CNKSR3: variants seen among roughly 807,000 people sequenced by gnomAD.
CNKSR3 encodes the protein CNKSR family member 3.
CNKSR3 carries 36 observed loss-of-function variants against 67.7 expected under a neutral mutation model. That is an observed-to-expected ratio of 0.53 (90% CI 0.41 to 0.70). CNKSR3 has a LOEUF of 0.70. CNKSR3 is among the 30% of genes least tolerant of loss of function. The pLI, the probability that CNKSR3 is intolerant of heterozygous loss-of-function variation, is 0.00. For synonymous variants in CNKSR3, 281 were observed against 271.4 expected (o/e 1.04, Z -0.35); for missense variants, 630 against 695.2 (o/e 0.91, Z 1.05).
chr6:154,437,407 G>GTTTTTTTTTTTTTTTTTTTTT (rs1785492881), intron 4 of CNKSR3, among the ~76,000 whole-genome samples: 1 of 88,280 alleles, frequency 1.1e-5, no homozygotes, highest in African/African-American at 4.0e-5. Context: ...AAGCACCTAT[G>GTTTTTTTTTTTTTTTTTTTTT]TTCTTTTTTT....
In CNKSR3 at chr6:154,420,078, G is replaced by A. The variant is rs142332862; in HGVS notation, c.945+2428C>T. Among the ~76,000 whole-genome samples the A allele has an allele frequency of 5.7e-3, 869 of 151,970 alleles. 5 individuals carry two copies. The highest frequency in any genetic ancestry group is 7.4e-3 in the Non-Finnish European group (505 of 67,960). On this transcript the variant is annotated intron_variant, in intron 9 of 12. Transcript: ENST00000607772. Reference sequence around the variant, plus strand: ...GCCTGGGCAACGAGAGTGAAACTCCGTCTCAAACCAAAACAAAACAAAAAA... The same window carrying A: ...GCCTGGGCAACGAGAGTGAAACTCCATCTCAAACCAAAACAAAACAAAAAA...
At chr6:154,444,863 C>T (rs1167841182) in intron 2 of CNKSR3, among the ~76,000 whole-genome samples, 7 of 152,074 alleles carry the variant, frequency 4.6e-5, no homozygotes, top group Non-Finnish European at 1.0e-4. Context: ...CCTTGGCCTC[C>T]CAAAGTGCTG....
Position 154,406,102 on chromosome 6 carries a change from G to T in CNKSR3, c.*252C>A, listed in dbSNP as rs559219295. 2.2e-4 allele frequency: 106 copies of T among 483,386 alleles called. No homozygotes were observed. Among genetic ancestry groups the T allele is most frequent in the Admixed American group, 1.4e-4 (4 of 27,636 alleles). The allele number at this position is 483,386 out of a possible 1,614,324, so 29.9% of individuals were successfully genotyped here. On this transcript the variant is annotated 3_prime_UTR_variant, in exon 13 of 13. Transcript: ENST00000607772. The stretch of plus-strand genomic sequence containing the variant: ...GCGCGTGTCTTCACATTCTATCTCT[G>T]GGGAAGCAAGACAAACAGGCTCTAC...
At chr6:154,437,142 G>A (rs1237229020) in intron 4 of CNKSR3, among the ~76,000 whole-genome samples, 1 of 152,042 alleles carries the variant, frequency 6.6e-6, no homozygotes, top group African/African-American at 2.4e-5. Context: ...TTTGTCACTG[G>A]AAAGAGATAC....
intron 1 of CNKSR3, among the ~76,000 whole-genome samples, chr6:154,481,994 C>G (rs528795036): frequency 3.1e-4 from 47 of 152,264 alleles, no homozygotes; most frequent in African/African-American, 1.0e-3. Context: ...TGTAACAGAA[C>G]AATTATCTGC....
rs998517859 is a variant in CNKSR3, at chr6:154,390,693, C to A, written c.*15661G>T. 1 of 150,546 alleles carries A rather than the reference C, an allele frequency of 6.6e-6. No individual in the cohort carries two copies. Among genetic ancestry groups the A allele is most frequent in the Non-Finnish European group, 1.5e-5 (1 of 67,740 alleles). 9.3% of individuals were successfully genotyped at this position (150,546 alleles called of 1,614,324 possible). A position where few individuals can be genotyped will look rare whatever the true frequency, so the allele number is the denominator to read the frequency against. On this transcript the variant is annotated 3_prime_UTR_variant, in exon 13 of 13. Transcript: ENST00000607772. ...TATTAGTTTGTTGGGGCTGCCATAA[C>A]AAAATACCACAGACTGGGTAGCTTA...
intron 12 of CNKSR3, 47 bp from the exon 13 acceptor site, chr6:154,406,699 G>A: frequency 6.5e-7 from 1 of 1,530,708 alleles, no homozygotes; most frequent in South Asian, 1.2e-5. Context: ...GCCGGGCGTG[G>A]TGGCTCACAC....
chr6:154,476,779 T>C (rs1786461551), intron 1 of CNKSR3, among the ~76,000 whole-genome samples: 1 of 152,200 alleles, frequency 6.6e-6, no homozygotes, highest in Non-Finnish European at 1.5e-5. Context: ...TTAACTCAGG[T>C]TGAATGTACT....
intron 4 of CNKSR3, among the ~76,000 whole-genome samples, chr6:154,440,718 G>A (rs1266686302): frequency 6.6e-6 from 1 of 152,188 alleles, no homozygotes; most frequent in Non-Finnish European, 1.5e-5. Flanking sequence ...ACATACTAGT[G>A]ATTCTGTCAA....
chr6:154,462,275 C>T (rs1045160527), intron 1 of CNKSR3, among the ~76,000 whole-genome samples: 8 of 144,588 alleles, frequency 5.5e-5, no homozygotes, highest in African/African-American at 1.5e-4. Context: ...AAGTTCCCCC[C>T]ACCCTGTCAG....
At chr6:154,490,827 C>T (rs1786771353) in intron 1 of CNKSR3, among the ~76,000 whole-genome samples, 1 of 152,088 alleles carries the variant, frequency 6.6e-6, no homozygotes, top group Admixed American at 6.6e-5. Context: ...GCTCATCCTA[C>T]AAGTCTCTAT....
intron 6 of CNKSR3, among the ~76,000 whole-genome samples, chr6:154,429,528 CCT>C (rs770530829): frequency 6.6e-6 from 1 of 152,142 alleles, no homozygotes; most frequent in Non-Finnish European, 1.5e-5. Context: ...GGAAGTCCTC[CCT>C]GTTTAAACTT....
chr6:154,479,106 T>C (rs1040475847), intron 1 of CNKSR3, among the ~76,000 whole-genome samples: 2 of 151,520 alleles, frequency 1.3e-5, no homozygotes, highest in African/African-American at 4.9e-5. Flanking sequence ...AAACACAGCC[T>C]ATACCCCCCC....
At chr6:154,433,939 A>G (rs1785420427) in intron 4 of CNKSR3, 1 of 155,590 alleles carries the variant, frequency 6.4e-6, no homozygotes, top group Non-Finnish European at 1.4e-5. Flanking sequence ...GCCTGCCTAT[A>G]AGAATAGCTT....
At chr6:154,467,965 G>A (rs910944608) in intron 1 of CNKSR3, among the ~76,000 whole-genome samples, 5 of 151,448 alleles carry the variant, frequency 3.3e-5, no homozygotes, top group Non-Finnish European at 7.4e-5. Flanking sequence ...TTGTCATTTT[G>A]ACCAGGCTGG....
intron 1 of CNKSR3, among the ~76,000 whole-genome samples, chr6:154,471,499 C>T (rs1263854311): frequency 6.6e-6 from 1 of 152,150 alleles, no homozygotes; most frequent in Non-Finnish European, 1.5e-5. Flanking sequence ...AAGATCGCAT[C>T]ATTGCACTCC....
chr6:154,492,745 C>CAAAAA (rs71268487), intron 1 of CNKSR3, among the ~76,000 whole-genome samples: 2 of 113,750 alleles, frequency 1.8e-5, no homozygotes, highest in Admixed American at 2.0e-4. Flanking sequence ...GACTCTGTCT[C>CAAAAA]AAAAAAAAAA....
In CNKSR3 at chr6:154,510,056, C is replaced by G. The variant is rs776264183; in HGVS notation, c.52+7G>C. Reference sequence around the variant, plus strand: ...GAGGACTCCGGACCCCCCCAAGGCCCGCGCACCTCTAGTCCAGTCCACCAC... The same window carrying G: ...GAGGACTCCGGACCCCCCCAAGGCCGGCGCACCTCTAGTCCAGTCCACCAC... On this transcript the variant is annotated splice_region_variant and intron_variant, in intron 1 of 12. Coordinates refer to ENST00000607772, the MANE Select transcript of CNKSR3 (RefSeq NM_173515.4). 8 of 1,614,040 alleles carry G rather than the reference C, an allele frequency of 5.0e-6. No homozygotes were observed. The highest frequency in any genetic ancestry group is 1.6e-4 in the Middle Eastern group (1 of 6,062).
At chr6:154,489,507 G>A (rs141966733) in intron 1 of CNKSR3, among the ~76,000 whole-genome samples, 1,543 of 151,640 alleles carry the variant, frequency 0.01, 15 homozygotes, top group South Asian at 0.028. Flanking sequence ...CTCCAGCCTG[G>A]GTGACCAAGT....
Sources: allele counts gnomAD v4.1 joint callset (sites outside exome capture counted in the v4.1 genomes callset), GRCh38; gene constraint gnomAD v4.1.1; transcripts MANE v1.5; gene names NCBI Gene and HGNC (gene_info 2026-07-23, HGNC 2026-07-21).